The following RERG variants were observed in gnomAD, a reference collection of about 807,000 sequenced individuals.
RERG encodes the protein ras-related and estrogen-regulated growth inhibitor.
In RERG, 25 loss-of-function variants were observed where a neutral mutation model predicts 23.2. That is an observed-to-expected ratio of 1.08 (90% CI 0.79 to 1.50). The LOEUF is 1.50. Ranked by LOEUF, RERG falls within the 40% of genes most tolerant of loss-of-function variation. The pLI, the probability that RERG is intolerant of heterozygous loss-of-function variation, is 0.00. For missense variants in RERG, 253 were observed against 250.1 expected (o/e 1.01, Z -0.08); for synonymous variants, 81 against 89.1 (o/e 0.91, Z 0.51).
At chr12:15,160,181 A>AT (rs761130691) in intron 2 of RERG, among the ~76,000 whole-genome samples, 274 of 150,890 alleles carry the variant, frequency 1.8e-3, no homozygotes, top group African/African-American at 4.3e-3. Context: ...CATTTTGGTC[A>AT]TTTTTTTTTG....
At chr12:15,119,193 GA>G (rs1447741095) in intron 3 of RERG, among the ~76,000 whole-genome samples, 1 of 152,150 alleles carries the variant, frequency 6.6e-6, no homozygotes, top group African/African-American at 2.4e-5. Context: ...TCCTCTTTGA[GA>G]AGTACTGTAC....
At chr12:15,178,526 T>C (rs74068751) in intron 2 of RERG, among the ~76,000 whole-genome samples, 1 of 152,326 alleles carries the variant, frequency 6.6e-6, no homozygotes, top group African/African-American at 2.4e-5. Context: ...TTCTTTGGGT[T>C]CAGAGTGGCC....
intron 2 of RERG, among the ~76,000 whole-genome samples, chr12:15,162,101 A>G (rs547365007): frequency 1.3e-5 from 2 of 152,324 alleles, no homozygotes; most frequent in East Asian, 3.9e-4. Context: ...AAATGAGACT[A>G]CTGCCTTAAT....
chr12:15,120,367 A>C (rs1170418508), intron 3 of RERG, among the ~76,000 whole-genome samples: 1 of 152,164 alleles, frequency 6.6e-6, no homozygotes, highest in Admixed American at 6.5e-5. Context: ...AGCACCCAGA[A>C]CACTTTGACA....
rs1863524117 is a variant in RERG, at chr12:15,107,838, A to G, written c.*1272T>C. On this transcript the variant is annotated 3_prime_UTR_variant, in exon 5 of 5. Transcript: ENST00000256953. ...ATAGTCACATAAAATAAAGTCAGTTACATCAAGTTGTCCAAATGCATTGGT... is the reference window on the plus strand; with the variant it reads ...ATAGTCACATAAAATAAAGTCAGTTGCATCAAGTTGTCCAAATGCATTGGT... The G allele has an allele frequency of 6.6e-6, 1 of 152,610 alleles. No individual in the cohort carries two copies. The highest frequency in any genetic ancestry group is 1.9e-4 in the East Asian group (1 of 5,198). The allele number at this position is 152,610 out of a possible 1,614,324, so 9.5% of individuals were successfully genotyped here. A position where few individuals can be genotyped will look rare whatever the true frequency, so the allele number is the denominator to read the frequency against.
intron 2 of RERG, among the ~76,000 whole-genome samples, chr12:15,182,653 T>C (rs893670446): frequency 6.6e-6 from 1 of 152,218 alleles, no homozygotes; most frequent in African/African-American, 2.4e-5. Context: ...GCTTTCTACA[T>C]ATTCATGTTG....
At chr12:15,203,805 C>T (rs1055859935) in intron 2 of RERG, among the ~76,000 whole-genome samples, 35 of 151,442 alleles carry the variant, frequency 2.3e-4, no homozygotes, top group African/African-American at 8.2e-4. Flanking sequence ...AAGAAACAAT[C>T]CTATTTACAA....
chr12:15,133,492 C>T (rs947162668), intron 2 of RERG, among the ~76,000 whole-genome samples: 5 of 152,118 alleles, frequency 3.3e-5, no homozygotes, highest in African/African-American at 1.2e-4. Context: ...CATTCATTTA[C>T]TGAAGAAAAA....
At chr12:15,115,111 T>C (rs1863695919) in intron 3 of RERG, among the ~76,000 whole-genome samples, 1 of 151,630 alleles carries the variant, frequency 6.6e-6, no homozygotes, top group Non-Finnish European at 1.5e-5. Flanking sequence ...TATATATAAA[T>C]ATATAAAAGT....
chr12:15,178,570 C>T (rs1864883055), intron 2 of RERG, among the ~76,000 whole-genome samples: 1 of 152,208 alleles, frequency 6.6e-6, no homozygotes, highest in Non-Finnish European at 1.5e-5. Flanking sequence ...TCTTTACTAA[C>T]TGTGAGAACT....
rs151308047 is a variant in RERG, at chr12:15,130,635, T to A, written c.62-9516A>T. ...ATGGAAATTTAAAATGAATGCTATA[T>A]AAAATGCATGCTTTGTAATGCCAGA... On this transcript the variant is annotated intron_variant, in intron 2 of 4. Transcript: ENST00000256953. Among the ~76,000 whole-genome samples, 211 of 152,306 alleles carry A rather than the reference T, an allele frequency of 1.4e-3. 3 individuals carry two copies. The East Asian group carries it at 0.038, about 27-fold the overall frequency.
intron 2 of RERG, among the ~76,000 whole-genome samples, chr12:15,216,360 G>A (rs1435771430): frequency 6.6e-6 from 1 of 152,182 alleles, no homozygotes; most frequent in Non-Finnish European, 1.5e-5. Context: ...GAGTACTCTT[G>A]AGAAAATTAA....
chr12:15,131,653 G>C (rs1047382972), intron 2 of RERG, among the ~76,000 whole-genome samples: 5 of 152,052 alleles, frequency 3.3e-5, no homozygotes, highest in Middle Eastern at 3.4e-3. Flanking sequence ...GAGAAGCAGA[G>C]GTTTATGCCA....
chr12:15,128,838 C>T (rs1003498757), intron 2 of RERG, among the ~76,000 whole-genome samples: 4 of 152,146 alleles, frequency 2.6e-5, no homozygotes, highest in Non-Finnish European at 4.4e-5. Context: ...ACCTGCACCT[C>T]GAGCAACCTC....
intron 2 of RERG, among the ~76,000 whole-genome samples, chr12:15,145,098 A>C (rs1190862935): frequency 6.6e-6 from 1 of 152,226 alleles, no homozygotes; most frequent in Non-Finnish European, 1.5e-5. Flanking sequence ...AGCCATTCCT[A>C]CGTTTTAACA....
chr12:15,176,205 G>C (rs963784243), intron 2 of RERG, among the ~76,000 whole-genome samples: 3 of 152,010 alleles, frequency 2.0e-5, no homozygotes, highest in Non-Finnish European at 2.9e-5. Flanking sequence ...GAAGATTTTT[G>C]TGCATTATAA....
intron 2 of RERG, among the ~76,000 whole-genome samples, chr12:15,134,474 A>AT (rs1309128111): frequency 6.6e-6 from 1 of 151,642 alleles, no homozygotes; most frequent in Non-Finnish European, 1.5e-5. Flanking sequence ...CTATTTATCT[A>AT]TTTTTTCACC....
chr12:15,180,556 C>A (rs1864909757), intron 2 of RERG, among the ~76,000 whole-genome samples: 1 of 152,182 alleles, frequency 6.6e-6, no homozygotes, highest in Non-Finnish European at 1.5e-5. Context: ...AAAGCAAAAC[C>A]CCACACCCAT....
chr12:15,111,372 G>C lies in RERG; in HGVS notation c.164C>G (p.Ser55Cys), dbSNP rs1299308663. 1 of 1,613,134 alleles carries C rather than the reference G, an allele frequency of 6.2e-7. No individual in the cohort carries two copies. Among genetic ancestry groups the C allele is most frequent in the Non-Finnish European group, 8.5e-7 (1 of 1,179,388 alleles). ...ACCAGCAGTGTCTAGTATCTCCATGGAAACAACTTCATCATCGATGGTTGC... is the reference window on the plus strand; with the variant it reads ...ACCAGCAGTGTCTAGTATCTCCATGCAAACAACTTCATCATCGATGGTTGC... The part of the protein sequence containing the change: ...HQATIDDEVV[S>C]MEILDTAGQE... Residue 55 changes from serine (S) to cysteine (C), a missense_variant, in exon 4 of 5, where the codon TCC (serine) becomes TGC (cysteine). Physicochemically the swap from Ser to Cys is moderately radical, Grantham distance 112. Transcript: ENST00000256953.
Sources: gnomAD v4.1 joint callset for allele counts (sites outside exome capture counted in the v4.1 genomes callset) on GRCh38, gnomAD v4.1.1 for gene constraint, MANE v1.5 for transcripts, NCBI Gene and HGNC (gene_info 2026-07-23, HGNC 2026-07-21) for gene names.